Variants in THSD7B observed in about 807,000 individuals in gnomAD.
The protein encoded by THSD7B is thrombospondin type 1 domain containing 7B.
THSD7B carries 138 observed loss-of-function variants against 213.6 expected under a neutral mutation model. The ratio of observed to expected loss-of-function variants is 0.65; its 90% confidence interval spans 0.56 to 0.74. The LOEUF is 0.74. Ranked by LOEUF, THSD7B falls within the 30% of genes least tolerant of loss-of-function variation. The pLI, the probability that THSD7B is intolerant of heterozygous loss-of-function variation, is 0.00. For synonymous variants in THSD7B, 742 were observed against 687.0 expected, an observed-to-expected ratio of 1.08 and a Z score of -1.25; for missense variants, 1,931 against 1,991.5, an observed-to-expected ratio of 0.97 and a Z score of 0.58.
chr2:137,056,652 C>G lies in THSD7B; in HGVS notation c.372C>G (p.Val124=). Residue 124 remains valine (V), a synonymous_variant, in exon 3 of 28, where the codon GTC becomes GTG. Coordinates refer to ENST00000409968, the MANE Select transcript of THSD7B (RefSeq NM_001316349.2). ...CVLVPYARGE[V]KPRTAECVTA... is the part of the protein sequence containing the mutation. ...TTGTTCCTTACGCTCGCGGTGAAGTCAAGCCTCGGACTGCAGAGTGTGTGA... is the reference window on the plus strand; with the variant it reads ...TTGTTCCTTACGCTCGCGGTGAAGTGAAGCCTCGGACTGCAGAGTGTGTGA... 1.9e-6 allele frequency: 3 copies of G among 1,613,950 alleles called. No homozygotes were observed. The highest frequency in any genetic ancestry group is 2.5e-6 in the Non-Finnish European group (3 of 1,179,900).
chr2:137,027,805 G>C (rs1686583001), intron 2 of THSD7B, among the ~76,000 whole-genome samples: 1 of 152,118 alleles, frequency 6.6e-6, no homozygotes, highest in Admixed American at 6.6e-5. Context: ...ATAACAATGA[G>C]ATTAATAAGG....
chr2:136,955,619 C>T (rs7601298), intron 2 of THSD7B, among the ~76,000 whole-genome samples: 11,298 of 152,054 alleles, frequency 0.074, 677 homozygotes, highest in African/African-American at 0.16. Flanking sequence ...TATTTTAATC[C>T]GATCTCTCAG....
chr2:137,175,823 GTTTGT>G (rs1260392991), intron 7 of THSD7B, among the ~76,000 whole-genome samples: 1 of 152,056 alleles, frequency 6.6e-6, no homozygotes, highest in Non-Finnish European at 1.5e-5. Flanking sequence ...TGTTTTGTTT[GTTTGT>G]TTTATTTTTA....
chr2:137,574,365 A>G (rs1013602029), intron 17 of THSD7B, among the ~76,000 whole-genome samples: 5 of 152,078 alleles, frequency 3.3e-5, no homozygotes, highest in Non-Finnish European at 5.9e-5. Context: ...ACCTCCTTTC[A>G]TGTGTCAGAA....
intron 12 of THSD7B, among the ~76,000 whole-genome samples, chr2:137,325,825 G>C: frequency 6.6e-6 from 1 of 152,204 alleles, no homozygotes; most frequent in East Asian, 1.9e-4. Context: ...CTGCTTCGCA[G>C]TGCTTCTGAT....
chr2:137,603,940 G>A (rs1423932087), intron 17 of THSD7B, among the ~76,000 whole-genome samples: 4 of 151,914 alleles, frequency 2.6e-5, no homozygotes, highest in Admixed American at 1.3e-4. Flanking sequence ...GTGAAACCCC[G>A]TCTCTACTAA....
Position 137,187,350 on chromosome 2 carries a change from C to T in THSD7B, c.1723+16412C>T, listed in dbSNP as rs550283675. 4.3e-4 allele frequency among the ~76,000 whole-genome samples: 66 copies of T among 152,268 alleles called. 1 individual carries two copies. Among genetic ancestry groups the T allele is most frequent in the African/African-American group, 1.6e-3 (65 of 41,554 alleles). On this transcript the variant is annotated intron_variant, in intron 7 of 27. Transcript: ENST00000409968. ...CTGTTCCTCAGGAGATCTGTGAGCT[C>T]TACACAGTGACTTGCCACATAGACC...
chr2:136,992,949 C>T (rs1685816121), intron 2 of THSD7B, among the ~76,000 whole-genome samples: 1 of 152,194 alleles, frequency 6.6e-6, no homozygotes, highest in African/African-American at 2.4e-5. Context: ...AAGCTTTGCT[C>T]TCTTTTTGAG....
At chr2:137,189,432 G>A (rs1279839536) in intron 7 of THSD7B, among the ~76,000 whole-genome samples, 10 of 152,068 alleles carry the variant, frequency 6.6e-5, no homozygotes, top group Non-Finnish European at 1.5e-4. Flanking sequence ...GTTCGCTCTA[G>A]GCCCTGCTCT....
At chr2:136,786,157 C>A (rs766239400) in intron 1 of THSD7B, among the ~76,000 whole-genome samples, 3 of 101,938 alleles carry the variant, frequency 2.9e-5, no homozygotes, top group Admixed American at 1.0e-4. Flanking sequence ...TACTGACAAG[C>A]AACAATAAGG....
At chr2:137,629,482 G>A (rs1682698946) in intron 20 of THSD7B, among the ~76,000 whole-genome samples, 1 of 152,110 alleles carries the variant, frequency 6.6e-6, no homozygotes, top group Admixed American at 6.6e-5. Context: ...AGACCCTGTT[G>A]TCTACTAGAC....
chr2:136,905,321 T>A (rs1684140925), intron 2 of THSD7B, among the ~76,000 whole-genome samples: 1 of 152,190 alleles, frequency 6.6e-6, no homozygotes, highest in Non-Finnish European at 1.5e-5. Context: ...GATGATTCCC[T>A]CTTTCTTCAC....
chr2:137,136,123 G>A (rs1679452245), intron 5 of THSD7B, among the ~76,000 whole-genome samples: 1 of 152,026 alleles, frequency 6.6e-6, no homozygotes, highest in African/African-American at 2.4e-5. Flanking sequence ...GGACACAGGG[G>A]AACATCACAC....
chr2:136,912,861 G>A (rs1032661912), intron 2 of THSD7B, among the ~76,000 whole-genome samples: 2 of 152,156 alleles, frequency 1.3e-5, no homozygotes, highest in Non-Finnish European at 2.9e-5. Context: ...TCTCAGATAT[G>A]TCTTTACCAG....
intron 27 of THSD7B, among the ~76,000 whole-genome samples, chr2:137,674,203 G>A (rs1683644755): frequency 6.6e-6 from 1 of 152,010 alleles, no homozygotes; most frequent in African/African-American, 2.4e-5. Flanking sequence ...ATTTCTCCTT[G>A]CCCAGTGGCC....
intron 10 of THSD7B, among the ~76,000 whole-genome samples, chr2:137,252,985 A>G (rs1300133941): frequency 1.3e-5 from 2 of 150,516 alleles, no homozygotes; most frequent in Non-Finnish European, 2.9e-5. Context: ...TTAGGTAGAA[A>G]TATAGAAAAG....
chr2:137,213,302 C>T (rs1359741775), intron 7 of THSD7B, among the ~76,000 whole-genome samples: 1 of 149,228 alleles, frequency 6.7e-6, no homozygotes, highest in African/African-American at 2.4e-5. Context: ...TTTCTCCCTC[C>T]ATTTGCACAT....
intron 15 of THSD7B, among the ~76,000 whole-genome samples, chr2:137,454,754 T>C (rs1687730897): frequency 6.6e-6 from 1 of 152,176 alleles, no homozygotes; most frequent in Non-Finnish European, 1.5e-5. Flanking sequence ...TTTAGAGTTA[T>C]ACCTACTGAG....
At chr2:137,070,976 G>C (rs550735683) in intron 3 of THSD7B, among the ~76,000 whole-genome samples, 6 of 152,230 alleles carry the variant, frequency 3.9e-5, no homozygotes, top group Middle Eastern at 3.4e-3. Flanking sequence ...TGGACATTTA[G>C]GTTAGCTCCA....
Sources: gnomAD v4.1 joint callset for allele counts (sites outside exome capture counted in the v4.1 genomes callset) on GRCh38, gnomAD v4.1.1 for gene constraint, MANE v1.5 for transcripts, NCBI Gene and HGNC (gene_info 2026-07-23, HGNC 2026-07-21) for gene names.